Variants in PSG4 observed in about 807,000 individuals in gnomAD.
PSG4 encodes pregnancy-specific beta-1-glycoprotein 4.
In PSG4, 61 loss-of-function variants were observed where a neutral mutation model predicts 44.3. The ratio of observed to expected loss-of-function variants is 1.38; its 90% CI spans 1.12 to 1.70. The LOEUF is 1.70. Among genes scored for constraint, PSG4 ranks in the 40% most tolerant of loss-of-function variants. The pLI is 0.00. For missense variants in PSG4, 677 were observed against 511.7 expected, an observed-to-expected ratio of 1.32 and a Z score of -3.12; for synonymous variants, 248 against 191.3, an observed-to-expected ratio of 1.30 and a Z score of -2.45.
At chr19:43,205,061 C>G (rs1201139659) in intron 1 of PSG4, 3 of 203,238 alleles carry the variant, frequency 1.5e-5, no homozygotes, top group Non-Finnish European at 1.9e-5. Flanking sequence ...TATCCAGGCT[C>G]CAACAGAGCC....
chr19:43,204,311 G>A, intron 1 of PSG4, 60 bp from the exon 2 acceptor site: 1 of 1,476,548 alleles, frequency 6.8e-7, no homozygotes, highest in Non-Finnish European at 9.0e-7. Flanking sequence ...TGAAAAGATG[G>A]GTCCTGAGAA....
intron 5 of PSG4, 180 bp from the exon 6 acceptor site, chr19:43,193,568 C>T: frequency 1.6e-6 from 1 of 624,934 alleles, no homozygotes; most frequent in Non-Finnish European, 2.9e-6. Context: ...CAAACGTGGT[C>T]TGATTCTTTA....
intron 1 of PSG4, among the ~76,000 whole-genome samples, chr19:43,205,111 C>CTTTTCTTTTTTTT (rs1967717220): frequency 1.1e-5 from 1 of 90,852 alleles, no homozygotes; most frequent in Non-Finnish European, 1.9e-5. Flanking sequence ...TTCCTTTTTT[C>CTTTTCTTTTTTTT]TTTTTTTTTT....
chr19:43,194,770 A>C lies in PSG4; in HGVS notation c.989-176T>G, dbSNP rs1000296051. On this transcript the variant is annotated intron_variant, in intron 4 of 5. Transcript: ENST00000405312. ...GTATTCACCTGTTTCTCCCATCACA[A>C]GTTTTAGGCCCCAAGTCTCCCATGA... is the stretch of plus-strand genomic sequence containing the variant. 4.2e-6 allele frequency: 6 copies of C among 1,416,176 alleles called. No individual in the cohort carries two copies. In the African/African-American group the frequency reaches 7.2e-5, roughly 17 times the overall value. 87.7% of individuals were successfully genotyped at this position (1,416,176 alleles called of 1,614,324 possible). A position where few individuals can be genotyped will look rare whatever the true frequency, so the allele number is the denominator to read the frequency against.
chr19:43,198,942 A>G (rs1253595967), intron 2 of PSG4: 1 of 147,504 alleles, frequency 6.8e-6, no homozygotes, highest in Non-Finnish European at 1.5e-5. Flanking sequence ...AATGACCTAC[A>G]AAGAGTGAAG....
rs1967531851 is a variant in PSG4 at position 43,201,943 on chromosome 19, A to T, written c.430+1943T>A. Among the ~76,000 whole-genome samples, 2 of 144,342 alleles carry T rather than the reference A, an allele frequency of 1.4e-5. 1 individual carries two copies. The highest frequency in any genetic ancestry group is 5.4e-5 in the African/African-American group (2 of 37,042). The allele number at this position is 144,342 out of a possible 152,430, so 94.7% of individuals were successfully genotyped here. A position where few individuals can be genotyped will look rare whatever the true frequency, so the allele number is the denominator to read the frequency against. Reference sequence around the variant, plus strand: ...ACAGGTCAGCCTCACAAAGGGAAAGAGCCCTTGAAGGGAATACAGTAGAAG... The same window carrying T: ...ACAGGTCAGCCTCACAAAGGGAAAGTGCCCTTGAAGGGAATACAGTAGAAG... On this transcript the variant is annotated intron_variant, in intron 2 of 5. Transcript: ENST00000405312.
At chr19:43,200,116 T>A (rs145399996) in intron 2 of PSG4, among the ~76,000 whole-genome samples, 1 of 145,960 alleles carries the variant, frequency 6.9e-6, no homozygotes, top group African/African-American at 2.6e-5. Flanking sequence ...TTCTTCATTT[T>A]CTGTTAAGCT....
In PSG4 at chr19:43,195,263, G is replaced by C. The variant is rs1186345311; in HGVS notation, c.720C>G (p.Ser240=). The C allele has an allele frequency of 6.2e-7, 1 of 1,610,254 alleles. No homozygotes were observed. Among genetic ancestry groups the C allele is most frequent in the Admixed American group, 1.7e-5 (1 of 59,840 alleles). The change falls in exon 4 of 6, where the codon TCC becomes TCG. Residue 240 remains serine (S), a synonymous_variant. Transcript: ENST00000405312. ...PVTLNLLPKL[S]KPYITINNLN... is the part of the protein sequence containing the mutation. ...AGTTGTTGATTGTGATGTAGGGCTT[G>C]GACAGCTTTGCTGTGTGGATAACAG...
At position 43,199,235 on chromosome 19, in the gene PSG4, C is replaced by A. The variant is rs1967397607; in HGVS notation, c.431-960G>T. Among the ~76,000 whole-genome samples, 2 of 145,220 alleles carry A rather than the reference C, an allele frequency of 1.4e-5. 1 individual carries two copies. The highest frequency in any genetic ancestry group is 1.4e-4 in the Admixed American group (2 of 14,610). ...TCATTAGACATTCTACTCTCTGATT[C>A]TGAGTTTGACTACTCTATGTACCTC... On this transcript the variant is annotated intron_variant, in intron 2 of 5. Transcript: ENST00000405312.
chr19:43,205,385 A>T, intron 1 of PSG4, 88 bp downstream of exon 1: 2 of 1,405,782 alleles, frequency 1.4e-6, no homozygotes, highest in Non-Finnish European at 1.9e-6. Context: ...GGCTTCTTTC[A>T]TTTTTCAGAA....
rs1466991954 is a variant in PSG4, at chr19:43,197,683, A to T, written c.709+314T>A. 36 of 451,686 alleles carry T rather than the reference A, an allele frequency of 8.0e-5. 1 individual carries two copies. Among genetic ancestry groups the T allele is most frequent in the Non-Finnish European group, 1.1e-4 (29 of 263,500 alleles). 28.0% of individuals were successfully genotyped at this position (451,686 alleles called of 1,614,324 possible). The stretch of plus-strand genomic sequence containing the variant: ...GTGGAAGGGCCACAGTGACCCTGTG[A>T]GCCAAGTCGCAACACTGAAGTCCCA... On this transcript the variant is annotated intron_variant, in intron 3 of 5. Coordinates refer to ENST00000405312, the MANE Select transcript of PSG4 (RefSeq NM_002780.5).
intron 2 of PSG4, among the ~76,000 whole-genome samples, chr19:43,202,209 GA>G (rs1967546245): frequency 6.9e-6 from 1 of 145,498 alleles, no homozygotes; most frequent in Non-Finnish European, 1.5e-5. Context: ...GAAGATGAGG[GA>G]CACAGAGAAG....
chr19:43,194,669 C>T lies in PSG4; in HGVS notation c.989-75G>A. Reference sequence around the variant, plus strand: ...ATGTTCCTGGTCTCTTAAAGGGACACAGTTACCCTCTAAGCCAAGACACAC... The same window carrying T: ...ATGTTCCTGGTCTCTTAAAGGGACATAGTTACCCTCTAAGCCAAGACACAC... On this transcript the variant is annotated intron_variant, in intron 4 of 5. Transcript: ENST00000405312. 2.6e-6 allele frequency: 4 copies of T among 1,542,590 alleles called. 1 individual carries two copies. The highest frequency in any genetic ancestry group is 3.5e-6 in the Non-Finnish European group (4 of 1,143,810).
In PSG4 at chr19:43,194,371, T is replaced by A. The variant is rs1385586668; in HGVS notation, c.1212A>T (p.Glu404Asp). Residue 404 changes from glutamate (E) to aspartate (D), a missense_variant, in exon 5 of 6, where the codon GAA becomes GAT. Transcript: ENST00000405312. ...CSVRNSATGK[E>D]SSKSITVKVS... ...CTTTGACTGTGATGGATTTGGAGCT[T>A]TCCTTGCCAGTGGCTGAGTTACGAA... is the stretch of plus-strand genomic sequence containing the variant. 16 of 1,612,302 alleles carry A rather than the reference T, an allele frequency of 9.9e-6. No individual in the cohort carries two copies. Among genetic ancestry groups the A allele is most frequent in the African/African-American group, 1.3e-5 (1 of 74,530 alleles).
Position 43,198,022 on chromosome 19 carries a change from A to C in PSG4, c.684T>G (p.Ser228Arg). The C allele has an allele frequency of 6.3e-7, 1 of 1,587,930 alleles. No homozygotes were observed. Among genetic ancestry groups the C allele is most frequent in the Admixed American group, 1.7e-5 (1 of 58,418 alleles). ...EIRNPVSASR[S>R]DPVTLNLLPK... is the part of the protein sequence containing the mutation. ...GGAGGAGATTCAGGGTGACTGGGTC[A>C]CTGCGGCTGGCACTCACTGGGTTCC... The change falls in exon 3 of 6, where the codon AGT (serine) becomes AGG (arginine). Residue 228 changes from serine (S) to arginine (R), a missense_variant. By Grantham distance (110) the Ser-to-Arg change is moderately radical. Transcript: ENST00000405312.
chr19:43,193,639 C>G (rs1296182512), intron 5 of PSG4: 6 of 571,372 alleles, frequency 1.1e-5, no homozygotes, highest in South Asian at 2.3e-5. Context: ...TTTATTTGCT[C>G]TAAGTTTTTA....
In PSG4 at chr19:43,195,085, C is replaced by A; in HGVS notation, c.898G>T (p.Val300Phe). The change falls in exon 4 of 6, where the codon GTC becomes TTC. Residue 300 changes from valine to phenylalanine, a missense_variant. Transcript: ENST00000405312. ...TAAGGTCCTGTTTCATTTCTCGTGA[C>A]ATTGGGTAGAATGAGGATCCTGTTT... is the stretch of plus-strand genomic sequence containing the variant. Reference protein sequence around the residue: ...IENRILILPNVTRNETGPYQC... With the variant: ...IENRILILPNFTRNETGPYQC... 2 of 1,611,208 alleles carry A rather than the reference C, an allele frequency of 1.2e-6. No individual in the cohort carries two copies. The highest frequency in any genetic ancestry group is 1.7e-6 in the Non-Finnish European group (2 of 1,179,074).
Position 43,193,841 on chromosome 19 carries a change from A to G in PSG4, c.1244-453T>C, listed in dbSNP as rs935592811. 19 of 595,738 alleles carry G rather than the reference A, an allele frequency of 3.2e-5. 1 individual carries two copies. The highest frequency in any genetic ancestry group is 8.9e-5 in the East Asian group (3 of 33,696). 36.9% of individuals were successfully genotyped at this position (595,738 alleles called of 1,614,324 possible). On this transcript the variant is annotated intron_variant, in intron 5 of 5. Transcript: ENST00000405312. ...CCTGTTACAAAGAGAGCAGATTGTT[A>G]CTGTACTTGTGCAAATATGTGTATT...
At chr19:43,200,361 T>C (rs1186998763) in intron 2 of PSG4, among the ~76,000 whole-genome samples, 3 of 118,262 alleles carry the variant, frequency 2.5e-5, no homozygotes, top group Non-Finnish European at 5.1e-5. Flanking sequence ...ACAGCCTTTG[T>C]AGTTGTCCCA....
Sources: gnomAD v4.1 joint callset for allele counts (sites outside exome capture counted in the v4.1 genomes callset) on GRCh38, gnomAD v4.1.1 for gene constraint, MANE v1.5 for transcripts, NCBI Gene and HGNC (gene_info 2026-07-23, HGNC 2026-07-21) for gene names.